GRB14: variants seen among roughly 807,000 people sequenced by gnomAD.
The protein encoded by GRB14 is growth factor receptor bound protein 14, also known as growth factor receptor-bound protein 14.
Under a neutral mutation model 69.1 loss-of-function variants are expected in GRB14, and 38 were observed. The ratio of observed to expected loss-of-function variants is 0.55; its 90% CI spans 0.42 to 0.72. GRB14 has a LOEUF of 0.72. Among genes scored for constraint, GRB14 ranks in the 30% least tolerant of loss-of-function variants. GRB14 has a pLI of 0.00. For synonymous variants in GRB14, 247 were observed against 241.3 expected (o/e 1.02, Z -0.22); for missense variants, 666 against 666.1 (o/e 1.00, Z 0.00).
chr2:164,535,977 G>A (rs1274579557), intron 3 of GRB14, among the ~76,000 whole-genome samples: 2 of 152,142 alleles, frequency 1.3e-5, no homozygotes, highest in African/African-American at 4.8e-5. Flanking sequence ...ATATGATCTC[G>A]AGTTGACTGG....
rs78110859 is a variant in GRB14, at chr2:164,525,438, C to A, written c.604-360G>T. On this transcript the variant is annotated intron_variant, in intron 4 of 13. Coordinates refer to ENST00000263915, the MANE Select transcript of GRB14 (RefSeq NM_004490.3). ...ACTATCCATGACATTTTACAAGGAA[C>A]AGGCTCACAGAAGTACAGAGTTTAG... Among the ~76,000 whole-genome samples, 210 of 152,192 alleles carry A rather than the reference C, an allele frequency of 1.4e-3. 7 individuals carry two copies. The East Asian group carries it at 0.034, about 24-fold the overall frequency.
intron 2 of GRB14, among the ~76,000 whole-genome samples, chr2:164,582,901 C>T (rs757849435): frequency 6.6e-6 from 1 of 152,124 alleles, no homozygotes; most frequent in African/African-American, 2.4e-5. Context: ...GTCTTGAGTC[C>T]TTGAACACAA....
chr2:164,531,264 A>G (rs1360859018), intron 3 of GRB14, among the ~76,000 whole-genome samples: 1 of 152,204 alleles, frequency 6.6e-6, no homozygotes, highest in Non-Finnish European at 1.5e-5. Flanking sequence ...CTTTTCACAC[A>G]AACTCAGCTG....
chr2:164,495,172 C>A (rs1027276938), intron 12 of GRB14, among the ~76,000 whole-genome samples: 1 of 152,028 alleles, frequency 6.6e-6, no homozygotes, highest in Non-Finnish European at 1.5e-5. Flanking sequence ...GAACTCCAGA[C>A]CTCAAGTGAT....
Position 164,492,505 on chromosome 2 carries a change from A to G in GRB14, c.*531T>C, listed in dbSNP as rs1415521505. Among the ~76,000 whole-genome samples, 1 of 151,998 alleles carries G rather than the reference A, an allele frequency of 6.6e-6. No homozygotes were observed. The highest frequency in any genetic ancestry group is 1.9e-4 in the East Asian group (1 of 5,192). On this transcript the variant is annotated 3_prime_UTR_variant, in exon 14 of 14. Transcript: ENST00000263915. ...AAAATGGTTTAAAGCTACTATCTCAAAATATGATTTCATTTTAAGATGATC... is the reference window on the plus strand; with the variant it reads ...AAAATGGTTTAAAGCTACTATCTCAGAATATGATTTCATTTTAAGATGATC...
intron 3 of GRB14, among the ~76,000 whole-genome samples, chr2:164,529,221 A>T (rs1574275369): frequency 1.3e-5 from 2 of 152,292 alleles, no homozygotes; most frequent in East Asian, 3.9e-4. Flanking sequence ...ATTCATAGAG[A>T]TAGAAAGTAG....
chr2:164,576,213 T>C (rs1282976760), intron 2 of GRB14, among the ~76,000 whole-genome samples: 3 of 151,466 alleles, frequency 2.0e-5, no homozygotes, highest in Non-Finnish European at 3.0e-5. Flanking sequence ...AAAATAGGTA[T>C]AAAGATAATC....
chr2:164,561,836 G>C (rs1339603511), intron 2 of GRB14, among the ~76,000 whole-genome samples: 1 of 152,102 alleles, frequency 6.6e-6, no homozygotes, highest in African/African-American at 2.4e-5. Context: ...ATTTTTTATT[G>C]TTCTTTGTGA....
At chr2:164,565,526 T>C (rs542137423) in intron 2 of GRB14, among the ~76,000 whole-genome samples, 1 of 152,308 alleles carries the variant, frequency 6.6e-6, no homozygotes, top group East Asian at 1.9e-4. Context: ...ATTCTATTTC[T>C]AGCTCTGCCA....
At chr2:164,523,121 G>A (rs1283631452) in intron 5 of GRB14, among the ~76,000 whole-genome samples, 5 of 152,038 alleles carry the variant, frequency 3.3e-5, no homozygotes, top group Non-Finnish European at 7.4e-5. Context: ...CAAACGACAT[G>A]CAGTCAAAAA....
intron 2 of GRB14, among the ~76,000 whole-genome samples, chr2:164,599,680 A>G (rs1274370545): frequency 6.6e-6 from 1 of 152,246 alleles, no homozygotes; most frequent in Non-Finnish European, 1.5e-5. Flanking sequence ...AAGTATTTGC[A>G]TATGCACTAA....
At chr2:164,518,486 C>T (rs1687551018) in intron 6 of GRB14, among the ~76,000 whole-genome samples, 1 of 151,918 alleles carries the variant, frequency 6.6e-6, no homozygotes, top group African/African-American at 2.4e-5. Context: ...AAACCAAACC[C>T]AAACACAGCA....
At chr2:164,502,114 A>G in intron 9 of GRB14, 141 bp downstream of exon 9, 1 of 460,492 alleles carries the variant, frequency 2.2e-6, no homozygotes, top group South Asian at 5.6e-5. Context: ...TCAATGTAAC[A>G]TTATACTAGA....
In GRB14 at chr2:164,616,425, CAAAAAAAAAAA is replaced by C. The variant is rs34263597; in HGVS notation, c.324+3251_324+3261del. 2.7e-4 allele frequency among the ~76,000 whole-genome samples: 18 copies of C among 66,662 alleles called. No homozygotes were observed. The East Asian group carries it at 9.7e-3, about 36-fold the overall frequency. The allele number at this position is 66,662 out of a possible 152,430, so 43.7% of individuals were successfully genotyped here. ...TGGGCGACAGAGCGAGACTCCGTCT[CAAAAAAAAAAA>C]AAAAAAAAAAAAAAGAATATGGATT... On this transcript the variant is annotated intron_variant, in intron 2 of 13. Coordinates refer to ENST00000263915, the MANE Select transcript of GRB14 (RefSeq NM_004490.3).
chr2:164,494,494 G>T lies in GRB14; in HGVS notation c.1413C>A (p.Asn471Lys). Residue 471 changes from asparagine to lysine, a missense_variant, in exon 13 of 14, where the codon AAC becomes AAA. Transcript: ENST00000263915. ...GVFLVRDSQS[N>K]PKTFVLSMSH... Reference sequence around the variant, plus strand: ...TCATTGACAGTACGAAAGTTTTGGGGTTACTCTGACTATCCCGTACCAAGA... The same window carrying T: ...TCATTGACAGTACGAAAGTTTTGGGTTTACTCTGACTATCCCGTACCAAGA... The T allele has an allele frequency of 6.3e-7, 1 of 1,599,076 alleles. No homozygotes were observed. The highest frequency in any genetic ancestry group is 1.3e-5 in the African/African-American group (1 of 74,722).
intron 2 of GRB14, among the ~76,000 whole-genome samples, chr2:164,559,776 G>T (rs1211779998): frequency 6.6e-6 from 1 of 152,142 alleles, no homozygotes. Context: ...TTCGTATAAT[G>T]ACTTATTTTC....
At chr2:164,542,115 A>G (rs1393196658) in intron 3 of GRB14, among the ~76,000 whole-genome samples, 1 of 152,238 alleles carries the variant, frequency 6.6e-6, no homozygotes, top group Non-Finnish European at 1.5e-5. Flanking sequence ...GAACCCAGAA[A>G]TAAAGCCATA....
chr2:164,492,968 T>G lies in GRB14; in HGVS notation c.*68A>C. On this transcript the variant is annotated 3_prime_UTR_variant, in exon 14 of 14. Transcript: ENST00000263915. The stretch of plus-strand genomic sequence containing the variant: ...CACATGGTAATGTTTTCGCCCTTAT[T>G]TATGGTCTTTTATTATTTTTCTTGA... 4.2e-6 allele frequency: 6 copies of G among 1,431,606 alleles called. No homozygotes were observed. Among genetic ancestry groups the G allele is most frequent in the Non-Finnish European group, 9.5e-7 (1 of 1,055,540 alleles). 88.7% of individuals were successfully genotyped at this position (1,431,606 alleles called of 1,614,324 possible).
At chr2:164,508,649 GC>G (rs1687255882) in intron 7 of GRB14, 92 bp downstream of exon 7, 1 of 1,419,528 alleles carries the variant, frequency 7.0e-7, no homozygotes, top group African/African-American at 1.4e-5. Context: ...ATAAGAGAAA[GC>G]TGTCTCTTTT....
Sources: gnomAD v4.1 joint callset for allele counts (sites outside exome capture counted in the v4.1 genomes callset) on GRCh38, gnomAD v4.1.1 for gene constraint, MANE v1.5 for transcripts, NCBI Gene and HGNC (gene_info 2026-07-23, HGNC 2026-07-21) for gene names.